CHLSN: variants seen among roughly 807,000 people sequenced by gnomAD.
The protein encoded by CHLSN is protein cholesin.
chr7:1,116,684 C>T, the CHLSN span, among the ~76,000 whole-genome samples: 43 of 52,708 alleles, frequency 8.2e-4, 7 homozygotes, highest in Non-Finnish European at 1.3e-3. Flanking sequence ...AGGATGATGA[C>T]ATCACTACAG....
At chr7:1,087,527 T>C in the CHLSN span, among the ~76,000 whole-genome samples, 1 of 152,160 alleles carries the variant, frequency 6.6e-6, no homozygotes, top group African/African-American at 2.4e-5. Context: ...TTGAACTGCC[T>C]GGACTGCAGC....
chr7:1,009,937 C>T, the CHLSN span: 3 of 1,532,842 alleles, frequency 2.0e-6, no homozygotes, highest in Non-Finnish European at 2.6e-6. Context: ...CCGCGTGGGG[C>T]AGGGCCGCTC....
the CHLSN span, among the ~76,000 whole-genome samples, chr7:1,050,507 G>C: frequency 2.0e-5 from 3 of 152,244 alleles, no homozygotes; most frequent in Non-Finnish European, 4.4e-5. Context: ...AGCTGCCCCA[G>C]CTTCTCCAAG....
the CHLSN span, among the ~76,000 whole-genome samples, chr7:981,606 C>T: frequency 5.0e-4 from 76 of 152,172 alleles, no homozygotes; most frequent in East Asian, 9.7e-4. Flanking sequence ...CCCAGCTACT[C>T]GGGAGGCTGA....
chr7:1,102,545 C>G, the CHLSN span, among the ~76,000 whole-genome samples: 2 of 152,142 alleles, frequency 1.3e-5, no homozygotes, highest in African/African-American at 4.8e-5. Context: ...GTGTTTCAAA[C>G]CATGCCCACC....
the CHLSN span, chr7:1,028,601 C>T: frequency 3.0e-6 from 3 of 984,360 alleles, no homozygotes; most frequent in South Asian, 1.4e-4. Flanking sequence ...GGGCGCACCC[C>T]CGCCCGCGCA....
the CHLSN span, among the ~76,000 whole-genome samples, chr7:1,040,703 A>C: frequency 1.3e-5 from 2 of 150,706 alleles, no homozygotes; most frequent in Non-Finnish European, 3.0e-5. Flanking sequence ...AAAAAAAAAA[A>C]AGGATAAATT....
the CHLSN span, among the ~76,000 whole-genome samples, chr7:1,044,062 T>C: frequency 6.6e-6 from 1 of 152,202 alleles, no homozygotes; most frequent in African/African-American, 2.4e-5. Flanking sequence ...TTCCTGTGAG[T>C]GTTCCGTTTA....
the CHLSN span, chr7:1,081,789 C>G: frequency 7.3e-6 from 1 of 137,570 alleles, no homozygotes; most frequent in South Asian, 2.2e-4. Context: ...CCTCTCGAAC[C>G]CATGGCTTTC....
At chr7:1,093,922 C>A in the CHLSN span, 2 of 325,784 alleles carry the variant, frequency 6.1e-6, no homozygotes, top group Non-Finnish European at 1.2e-5. Context: ...CCCTCCCCTG[C>A]CACCCTGAAA....
chr7:1,058,448 G>A, the CHLSN span: 1 of 780,638 alleles, frequency 1.3e-6, no homozygotes, highest in Non-Finnish European at 2.4e-6. Context: ...AACGGCTGAT[G>A]AAAAAGCTGC....
At chr7:1,037,679 A>G in the CHLSN span, among the ~76,000 whole-genome samples, 8 of 113,748 alleles carry the variant, frequency 7.0e-5, no homozygotes, top group African/African-American at 1.3e-4. Context: ...CCGTCTGGGA[A>G]GTGAGGAGCG....
At chr7:1,060,010 G>A in the CHLSN span, among the ~76,000 whole-genome samples, 1 of 141,454 alleles carries the variant, frequency 7.1e-6, no homozygotes, top group Non-Finnish European at 1.5e-5. Context: ...CTGTAGTGGG[G>A]CGGGTCCGTA....
chr7:1,065,384 C>T, the CHLSN span, among the ~76,000 whole-genome samples: 1 of 152,236 alleles, frequency 6.6e-6, no homozygotes, highest in Non-Finnish European at 1.5e-5. Context: ...GGCAGCTTTG[C>T]TCATAAGAGC....
At chr7:987,546 C>T in the CHLSN span, 3 of 1,504,304 alleles carry the variant, frequency 2.0e-6, no homozygotes, top group Non-Finnish European at 2.7e-6. Context: ...GGCTGGGCCT[C>T]CCTTGCCCCT....
the CHLSN span, among the ~76,000 whole-genome samples, chr7:1,125,325 C>A: frequency 1.3e-5 from 2 of 152,228 alleles, no homozygotes; most frequent in South Asian, 4.1e-4. Context: ...CCTCCCTTTG[C>A]ACAGCGGCCA....
the CHLSN span, among the ~76,000 whole-genome samples, chr7:1,051,432 C>T: frequency 6.6e-6 from 1 of 152,250 alleles, no homozygotes. Context: ...TTGCTCACGT[C>T]TCCCAGGCTG....
At chr7:1,028,369 C>T in the CHLSN span, 2 of 989,400 alleles carry the variant, frequency 2.0e-6, no homozygotes, top group South Asian at 4.5e-5. Flanking sequence ...CTCCACACTG[C>T]GCATGCCCGG....
At chr7:983,143 C>T in the CHLSN span, 21 of 1,314,164 alleles carry the variant, frequency 1.6e-5, no homozygotes, top group Admixed American at 1.3e-4. Context: ...CGCCCTCCCG[C>T]GGAGGCCTAT....
Sources: gnomAD v4.1 joint callset for allele counts (sites outside exome capture counted in the v4.1 genomes callset) on GRCh38, gnomAD v4.1.1 for gene constraint, MANE v1.5 for transcripts, NCBI Gene and HGNC (gene_info 2026-07-23, HGNC 2026-07-21) for gene names.